The following ZNF385D variants were observed in gnomAD, a reference collection of about 807,000 sequenced individuals.
ZNF385D encodes the protein zinc finger protein 385D, also known as zinc finger protein 659.
A neutral mutation model predicts 35.8 loss-of-function variants in ZNF385D; 15 were observed. The observed-to-expected ratio is 0.42, with a 90% CI of 0.28 to 0.64. ZNF385D has a LOEUF of 0.64. Ranked by LOEUF, ZNF385D falls within the 30% of genes least tolerant of loss-of-function variation. The probability of loss-of-function intolerance (pLI) is 0.23; values close to 1 mark genes in which losing one functional copy is unlikely to be tolerated. For missense variants in ZNF385D, 474 were observed against 494.6 expected (o/e 0.96, Z 0.39); for synonymous variants, 212 against 186.8 (o/e 1.13, Z -1.10).
intron 2 of ZNF385D, among the ~76,000 whole-genome samples, chr3:21,570,623 T>G (rs2125673841): frequency 6.6e-6 from 1 of 152,304 alleles, no homozygotes; most frequent in South Asian, 2.1e-4. Flanking sequence ...ACTTTAAAGG[T>G]TACACTTACA....
At chr3:22,350,402 G>A (rs1402034889) in intron 2 of ZNF385D, among the ~76,000 whole-genome samples, 1 of 152,076 alleles carries the variant, frequency 6.6e-6, no homozygotes, top group African/African-American at 2.4e-5. Flanking sequence ...GAACCCAAAT[G>A]TGGATGATAT....
At chr3:21,769,099 C>A (rs940397741) in intron 3 of ZNF385D, among the ~76,000 whole-genome samples, 2 of 152,072 alleles carry the variant, frequency 1.3e-5, no homozygotes, top group Middle Eastern at 3.4e-3. Flanking sequence ...TTGTCAAAGG[C>A]CCTTTCTGCA....
intron 3 of ZNF385D, among the ~76,000 whole-genome samples, chr3:22,045,455 C>G (rs1698936216): frequency 6.6e-6 from 1 of 152,088 alleles, no homozygotes; most frequent in Non-Finnish European, 1.5e-5. Flanking sequence ...TGGGAACCCC[C>G]TCCACTGTGA....
At chr3:21,602,512 A>ATTTTTTTTTTTTTTTTTTTTT (rs199882061) in intron 2 of ZNF385D, among the ~76,000 whole-genome samples, 22 of 90,184 alleles carry the variant, frequency 2.4e-4, no homozygotes, top group South Asian at 3.5e-4. Context: ...GTTTCCCTGC[A>ATTTTTTTTTTTTTTTTTTTTT]TTTTCTTTTT....
At position 22,029,780 on chromosome 3, in the gene ZNF385D, G is replaced by C. The variant is rs551112719; in HGVS notation, c.325+139037C>G. 2.3e-3 allele frequency among the ~76,000 whole-genome samples: 347 copies of C among 152,240 alleles called. 2 individuals carry two copies. Among genetic ancestry groups the C allele is most frequent in the Middle Eastern group, 3.4e-3 (1 of 294 alleles). On this transcript the variant is annotated intron_variant, in intron 3 of 5. Coordinates refer to the ZNF385D transcript ENST00000494108. ...GTTGTATGAAGGGTAGTTGTATTATGTTAGGCGTAATTATGACATTGTCTT... is the reference window on the plus strand; with the variant it reads ...GTTGTATGAAGGGTAGTTGTATTATCTTAGGCGTAATTATGACATTGTCTT...
intron 3 of ZNF385D, among the ~76,000 whole-genome samples, chr3:21,823,805 T>C (rs1396800672): frequency 6.6e-6 from 1 of 152,176 alleles, no homozygotes; most frequent in African/African-American, 2.4e-5. Context: ...CATTGTCAGA[T>C]AAGGTTACAA....
At chr3:21,969,559 C>A (rs1207875696) in intron 3 of ZNF385D, among the ~76,000 whole-genome samples, 1 of 152,160 alleles carries the variant, frequency 6.6e-6, no homozygotes, top group East Asian at 1.9e-4. Context: ...CTAATTAATA[C>A]CCGCGGTGCT....
chr3:22,240,757 A>G (rs992402827), intron 2 of ZNF385D, among the ~76,000 whole-genome samples: 6 of 151,004 alleles, frequency 4.0e-5, no homozygotes, highest in Non-Finnish European at 8.8e-5. Context: ...TTGTACTTGT[A>G]TATGTCTCCA....
intron 2 of ZNF385D, among the ~76,000 whole-genome samples, chr3:22,286,113 C>G (rs1381261136): frequency 6.6e-6 from 1 of 152,028 alleles, no homozygotes; most frequent in Non-Finnish European, 1.5e-5. Context: ...ATACAATGTA[C>G]TCATTTTTAA....
chr3:21,541,813 T>C (rs2125563757), intron 3 of ZNF385D, among the ~76,000 whole-genome samples: 1 of 152,336 alleles, frequency 6.6e-6, no homozygotes, highest in Non-Finnish European at 1.5e-5. Context: ...ATCTAGTTTC[T>C]ACTTTTGGTT....
chr3:21,892,287 A>G (rs536060154), intron 3 of ZNF385D, among the ~76,000 whole-genome samples: 2 of 152,354 alleles, frequency 1.3e-5, no homozygotes, highest in South Asian at 4.1e-4. Flanking sequence ...TGAAAGCGCT[A>G]CAGTGCCAGG....
chr3:22,124,725 A>T (rs753614096), intron 3 of ZNF385D, among the ~76,000 whole-genome samples: 19 of 152,078 alleles, frequency 1.2e-4, no homozygotes, highest in Non-Finnish European at 2.1e-4. Flanking sequence ...TTTTTTGCGA[A>T]TTGTCTATTC....
intron 2 of ZNF385D, among the ~76,000 whole-genome samples, chr3:22,250,010 C>A (rs927073766): frequency 6.6e-6 from 1 of 152,078 alleles, no homozygotes; most frequent in Non-Finnish European, 1.5e-5. Context: ...AATTTACTTT[C>A]CAAAAAATAA....
chr3:21,497,139 AT>A (rs1705963080), intron 4 of ZNF385D, among the ~76,000 whole-genome samples: 1 of 152,158 alleles, frequency 6.6e-6, no homozygotes, highest in Non-Finnish European at 1.5e-5. Context: ...ATGATCCTGT[AT>A]CTAGAAAACC....
chr3:21,997,001 A>G (rs774700622), intron 3 of ZNF385D, among the ~76,000 whole-genome samples: 4 of 152,142 alleles, frequency 2.6e-5, no homozygotes, highest in African/African-American at 4.8e-5. Flanking sequence ...GATTAAACCA[A>G]TGTTATTTAA....
chr3:21,980,379 A>G (rs964691182), intron 3 of ZNF385D, among the ~76,000 whole-genome samples: 1 of 152,158 alleles, frequency 6.6e-6, no homozygotes, highest in Non-Finnish European at 1.5e-5. Context: ...TTAAGCCACT[A>G]AATTTTGGGG....
At chr3:22,290,318 C>G (rs944438951) in intron 2 of ZNF385D, among the ~76,000 whole-genome samples, 1 of 152,126 alleles carries the variant, frequency 6.6e-6, no homozygotes, top group African/African-American at 2.4e-5. Context: ...ACACCACACC[C>G]AAAGACAAAA....
chr3:21,751,396 G>C (rs114512374), upstream of ZNF385D: 4,148 of 1,022,138 alleles, frequency 4.1e-3, 109 homozygotes, highest in African/African-American at 0.065. Flanking sequence ...GAAGAGTGTC[G>C]GGATCCACAC....
At chr3:22,203,936 G>T (rs1259179710) in intron 2 of ZNF385D, among the ~76,000 whole-genome samples, 1 of 152,090 alleles carries the variant, frequency 6.6e-6, no homozygotes, top group Non-Finnish European at 1.5e-5. Flanking sequence ...AAGAAAAGAA[G>T]TCTGGTTGGC....
Sources: allele counts gnomAD v4.1 joint callset (sites outside exome capture counted in the v4.1 genomes callset), GRCh38; gene constraint gnomAD v4.1.1; transcripts MANE v1.5; gene names NCBI Gene and HGNC (gene_info 2026-07-23, HGNC 2026-07-21).